Variants in MYO16 observed in about 807,000 individuals in gnomAD.
MYO16 encodes myosin XVI, also known as unconventional myosin-XVI.
In MYO16, 94 loss-of-function variants were observed where a neutral mutation model predicts 205.3. The ratio of observed to expected loss-of-function variants is 0.46; its 90% CI spans 0.39 to 0.54. MYO16 has a LOEUF of 0.54. Among genes scored for constraint, MYO16 ranks in the 20% least tolerant of loss-of-function variants. The pLI is 0.00. For missense variants in MYO16, 2,315 were observed against 2,387.5 expected (o/e 0.97, Z 0.63); for synonymous variants, 988 against 954.0 (o/e 1.04, Z -0.66).
At chr13:108,878,128 G>T (rs554851479) in intron 12 of MYO16, among the ~76,000 whole-genome samples, 1 of 152,300 alleles carries the variant, frequency 6.6e-6, no homozygotes, top group African/African-American at 2.4e-5. Flanking sequence ...AGGACAGGAG[G>T]CAGGGAGACA....
the MYO16 span, among the ~76,000 whole-genome samples, chr13:108,537,044 G>A: frequency 6.6e-6 from 1 of 152,088 alleles, no homozygotes; most frequent in Non-Finnish European, 1.5e-5. Flanking sequence ...AAATGGTGAA[G>A]TTTGGGCTTC....
At chr13:109,047,546 A>G (rs766994848) in intron 24 of MYO16, among the ~76,000 whole-genome samples, 3 of 152,148 alleles carry the variant, frequency 2.0e-5, no homozygotes, top group Non-Finnish European at 4.4e-5. Context: ...ATAATTCTAC[A>G]CTATATACAA....
the MYO16 span, among the ~76,000 whole-genome samples, chr13:108,561,503 G>GT: frequency 6.6e-6 from 1 of 152,100 alleles, no homozygotes; most frequent in Non-Finnish European, 1.5e-5. Context: ...GAAAACCTTG[G>GT]TTTTTTTCTT....
intron 34 of MYO16, among the ~76,000 whole-genome samples, chr13:109,202,048 GTATA>G (rs906554073): frequency 1.1e-4 from 17 of 151,576 alleles, no homozygotes. Flanking sequence ...CATATATGGG[GTATA>G]TATATATCAC....
chr13:108,935,122 A>G lies in MYO16; in HGVS notation c.1926-22566A>G, dbSNP rs189671417. Reference sequence around the variant, plus strand: ...TATTCGTGCTCTTTTTTTGTTTCATATGAATTTTAAACAGTTTTTTCCAAT... The same window carrying G: ...TATTCGTGCTCTTTTTTTGTTTCATGTGAATTTTAAACAGTTTTTTCCAAT... On this transcript the variant is annotated intron_variant, in intron 16 of 34. Transcript: ENST00000457511. Among the ~76,000 whole-genome samples the G allele has an allele frequency of 2.4e-4, 36 of 152,168 alleles. No homozygotes were observed. In the South Asian group the frequency reaches 6.8e-3, roughly 29 times the overall value.
chr13:108,655,185 G>C (rs1274622670), intron 1 of MYO16, among the ~76,000 whole-genome samples: 1 of 152,182 alleles, frequency 6.6e-6, no homozygotes, highest in African/African-American at 2.4e-5. Context: ...AGACCCAGAA[G>C]CATAGGAAAA....
At chr13:108,534,930 C>T in the MYO16 span, among the ~76,000 whole-genome samples, 4 of 149,744 alleles carry the variant, frequency 2.7e-5, no homozygotes, top group Non-Finnish European at 5.9e-5. Flanking sequence ...TCTCTTCCTT[C>T]TTCCTCTCTT....
At chr13:108,785,337 G>A (rs551374815) in intron 4 of MYO16, among the ~76,000 whole-genome samples, 8 of 152,302 alleles carry the variant, frequency 5.3e-5, no homozygotes, top group African/African-American at 1.9e-4. Context: ...CCAGCACAGA[G>A]GCATGGGTTT....
At chr13:108,631,328 A>C (rs933087451) in intron 1 of MYO16, among the ~76,000 whole-genome samples, 1 of 152,222 alleles carries the variant, frequency 6.6e-6, no homozygotes, top group Non-Finnish European at 1.5e-5. Flanking sequence ...AGTGACATGG[A>C]CGTGAGAGAT....
intron 27 of MYO16, among the ~76,000 whole-genome samples, chr13:109,072,024 A>G (rs926294297): frequency 2.0e-5 from 3 of 152,338 alleles, no homozygotes; most frequent in African/African-American, 7.2e-5. Context: ...CTGCCAATAA[A>G]GCATACACAT....
In MYO16 at chr13:108,890,223, C is replaced by T. The variant is rs1238123336; in HGVS notation, c.1659+1746C>T. Among the ~76,000 whole-genome samples, 7 of 147,924 alleles carry T rather than the reference C, an allele frequency of 4.7e-5. 1 individual carries two copies. Among genetic ancestry groups the T allele is most frequent in the Admixed American group, 3.5e-4 (5 of 14,194 alleles). ...CCTCCCAAAGTGCTAGGATTACAGG[C>T]GTGAACCACTGCATCGTACTAAGTT... On this transcript the variant is annotated intron_variant, in intron 14 of 34. Coordinates refer to ENST00000457511, the MANE Select transcript of MYO16 (RefSeq NM_001198950.3).
chr13:108,828,442 A>G (rs552635602), intron 9 of MYO16, among the ~76,000 whole-genome samples: 6 of 152,130 alleles, frequency 3.9e-5, no homozygotes, highest in South Asian at 2.1e-4. Flanking sequence ...TCTTTGTGAC[A>G]TTTTTACTGA....
the MYO16 span, among the ~76,000 whole-genome samples, chr13:108,538,454 T>C: frequency 3.3e-5 from 5 of 152,018 alleles, no homozygotes; most frequent in African/African-American, 1.2e-4. Context: ...AGTGGTTGTG[T>C]GGGTATGGGA....
chr13:108,523,053 T>C, the MYO16 span, among the ~76,000 whole-genome samples: 5 of 152,104 alleles, frequency 3.3e-5, no homozygotes, highest in African/African-American at 1.2e-4. Flanking sequence ...TAACATTAAA[T>C]ATGGAAATAG....
At chr13:109,172,611 C>A (rs1028382873) in intron 33 of MYO16, among the ~76,000 whole-genome samples, 5 of 152,262 alleles carry the variant, frequency 3.3e-5, no homozygotes, top group African/African-American at 1.2e-4. Flanking sequence ...CGACCATGGG[C>A]AAGTTACTTA....
At chr13:108,648,425 A>G (rs1469228306) in intron 1 of MYO16, among the ~76,000 whole-genome samples, 1 of 152,190 alleles carries the variant, frequency 6.6e-6, no homozygotes, top group Non-Finnish European at 1.5e-5. Flanking sequence ...TTCACAGCCA[A>G]GTGCAGAGAG....
chr13:108,597,281 G>T (rs1878597166), intron 1 of MYO16, among the ~76,000 whole-genome samples: 1 of 152,084 alleles, frequency 6.6e-6, no homozygotes. Context: ...GATACTGAAG[G>T]TTCATAAGGA....
chr13:109,170,147 A>C lies in MYO16; in HGVS notation c.5323+5088A>C, dbSNP rs1015725516. ...AAGAAAAAAGAAAAAAAAAAACATA[A>C]ATAGGGAGAAAATATTTTTAACACA... On this transcript the variant is annotated intron_variant, in intron 33 of 34. Transcript: ENST00000457511. Among the ~76,000 whole-genome samples the C allele has an allele frequency of 4.6e-5, 7 of 152,286 alleles. No homozygotes were observed. The South Asian group carries it at 1.4e-3, about 32-fold the overall frequency.
chr13:108,560,293 G>A, the MYO16 span, among the ~76,000 whole-genome samples: 7 of 152,174 alleles, frequency 4.6e-5, no homozygotes, highest in African/African-American at 1.7e-4. Context: ...ATGTTGCAGA[G>A]TTGCCATGGC....
Sources: allele counts gnomAD v4.1 joint callset (sites outside exome capture counted in the v4.1 genomes callset), GRCh38; gene constraint gnomAD v4.1.1; transcripts MANE v1.5; gene names NCBI Gene and HGNC (gene_info 2026-07-23, HGNC 2026-07-21).